Variants in SREBF2 observed in about 807,000 individuals in gnomAD.
SREBF2 encodes the protein sterol regulatory element binding transcription factor 2, also known as sterol regulatory element-binding protein 2.
In SREBF2, 55 loss-of-function variants were observed where a neutral mutation model predicts 113.1. That is an observed-to-expected ratio of 0.49 (90% CI 0.39 to 0.61). The LOEUF (loss-of-function observed/expected upper bound fraction) is 0.61, where lower values mean the gene tolerates loss of function less well. Ranked by LOEUF, SREBF2 falls within the 20% of genes least tolerant of loss-of-function variation. The probability of loss-of-function intolerance (pLI) is 0.00; values close to 1 mark genes in which losing one functional copy is unlikely to be tolerated. For missense variants in SREBF2, 1,349 were observed against 1,487.4 expected (o/e 0.91, Z 1.53); for synonymous variants, 593 against 605.7 (o/e 0.98, Z 0.31).
intron 2 of SREBF2, among the ~76,000 whole-genome samples, 180 bp from the exon 3 acceptor site, chr22:41,868,431 C>G (rs1278825013): frequency 6.6e-6 from 1 of 152,206 alleles, no homozygotes; most frequent in Non-Finnish European, 1.5e-5. Context: ...GAAATTGATG[C>G]AGCCCTTATG....
rs373120161 is a variant in SREBF2, at chr22:41,898,656, C to T, written c.2613C>T (p.Asp871=). ...SSVLKSALGP[D]IICRWWTSAI... The stretch of plus-strand genomic sequence containing the variant: ...GGTGCTGTTCTCCTCTAGGTCCAGA[C>T]ATCATCTGTCGGTGGTGGACGTCTG... The change falls in exon 15 of 19, where the codon GAC becomes GAT. Residue 871 remains aspartate, a synonymous_variant. Coordinates refer to ENST00000361204, the MANE Select transcript of SREBF2 (RefSeq NM_004599.4). The T allele has an allele frequency of 2.3e-4, 374 of 1,614,038 alleles. No individual in the cohort carries two copies. Among genetic ancestry groups the T allele is most frequent in the Non-Finnish European group, 3.1e-4 (370 of 1,179,994 alleles).
rs184286512 is a variant in SREBF2, at chr22:41,864,447, A to G, written c.89-2384A>G. Among the ~76,000 whole-genome samples the G allele has an allele frequency of 9.2e-3, 1,365 of 148,928 alleles. 11 individuals are homozygous for G. Among genetic ancestry groups the G allele is most frequent in the Non-Finnish European group, 0.016 (1,059 of 67,262 alleles). On this transcript the variant is annotated intron_variant, in intron 1 of 18. Coordinates refer to ENST00000361204, the MANE Select transcript of SREBF2 (RefSeq NM_004599.4). ...TCCATTCTCCTGACTCAGCCTCCCG[A>G]GTAGCTTGGACTACAGGCGCCCACC...
intron 10 of SREBF2, among the ~76,000 whole-genome samples, 156 bp from the exon 11 acceptor site, chr22:41,884,686 G>A (rs1335604212): frequency 6.6e-6 from 1 of 152,162 alleles, no homozygotes; most frequent in Non-Finnish European, 1.5e-5. Context: ...ATATCACAGA[G>A]CCTGGCATCC....
At chr22:41,889,908 G>C (rs1426484174) in intron 11 of SREBF2, among the ~76,000 whole-genome samples, 1 of 152,046 alleles carries the variant, frequency 6.6e-6, no homozygotes, top group African/African-American at 2.4e-5. Context: ...GGCTGAGACA[G>C]AATCACTTGA....
intron 1 of SREBF2, among the ~76,000 whole-genome samples, chr22:41,837,812 C>G (rs1162524950): frequency 2.7e-5 from 4 of 148,220 alleles, no homozygotes; most frequent in African/African-American, 9.9e-5. Context: ...GAGCCGAGAT[C>G]GCGCCATTGC....
intron 13 of SREBF2, among the ~76,000 whole-genome samples, chr22:41,896,638 C>T (rs536657420): frequency 5.3e-4 from 80 of 152,314 alleles, no homozygotes; most frequent in African/African-American, 1.9e-3. Context: ...GGATTACAGG[C>T]GTGAGCCACC....
intron 4 of SREBF2, among the ~76,000 whole-genome samples, chr22:41,872,892 CA>C (rs533730009): frequency 2.5e-4 from 30 of 120,930 alleles, no homozygotes; most frequent in African/African-American, 2.7e-4. Context: ...GACTTTGTCT[CA>C]AAAAAAAAAA....
rs2077091325 is a variant in SREBF2 at position 41,867,279 on chromosome 22, A to G, written c.537A>G (p.Gln179=). ...LIYQNAATSF[Q]VLQPQVQSLV... The stretch of plus-strand genomic sequence containing the variant: ...ACCAGAATGCAGCTACTAGCTTTCA[A>G]GGTGATTCAGAAGTTAGAATGGTAG... The change falls in exon 2 of 19, where the codon CAA becomes CAG. Residue 179 remains glutamine (Q), a splice_region_variant and synonymous_variant. Coordinates refer to ENST00000361204, the MANE Select transcript of SREBF2 (RefSeq NM_004599.4). The G allele has an allele frequency of 1.9e-6, 3 of 1,614,174 alleles. No homozygotes were observed. Among genetic ancestry groups the G allele is most frequent in the Non-Finnish European group, 2.5e-6 (3 of 1,180,030 alleles).
intron 15 of SREBF2, chr22:41,899,202 CCT>C (rs1375269400): frequency 5.1e-5 from 57 of 1,110,994 alleles, no homozygotes; most frequent in Non-Finnish European, 6.1e-5. Context: ...GCATCTTGCC[CCT>C]GTGTGCTAGC....
chr22:41,883,304 G>A (rs2077267379), intron 10 of SREBF2, among the ~76,000 whole-genome samples: 1 of 152,190 alleles, frequency 6.6e-6, no homozygotes, highest in African/African-American at 2.4e-5. Context: ...TGGCAGTAAG[G>A]AGCTTCAGCC....
At chr22:41,842,632 T>C (rs1455707330) in intron 1 of SREBF2, among the ~76,000 whole-genome samples, 1 of 152,158 alleles carries the variant, frequency 6.6e-6, no homozygotes, top group Non-Finnish European at 1.5e-5. Context: ...AGAAGTGGGA[T>C]TGTTGGATCA....
At chr22:41,879,868 C>T (rs914199728) in intron 9 of SREBF2, among the ~76,000 whole-genome samples, 2 of 152,194 alleles carry the variant, frequency 1.3e-5, no homozygotes, top group Non-Finnish European at 2.9e-5. Context: ...ATTAGTTCAT[C>T]TGAATCCTAG....
Position 41,877,247 on chromosome 22 carries a change from TCTC to T in SREBF2, c.1411_1413del (p.Pro471del). On this transcript the variant is annotated inframe_deletion, in exon 8 of 19. Coordinates refer to ENST00000361204, the MANE Select transcript of SREBF2 (RefSeq NM_004599.4). Reference sequence around the variant, plus strand: ...TTTGAAGGTCAAAGATGAGCCAGACTCTCCTCCTGTGGCGCTGGGCATGGTAGA... The same window carrying T: ...TTTGAAGGTCAAAGATGAGCCAGACTCTCCTGTGGCGCTGGGCATGGTAGA... 2 of 1,614,202 alleles carry T rather than the reference TCTC, an allele frequency of 1.2e-6. No individual in the cohort carries two copies. Among genetic ancestry groups the T allele is most frequent in the Non-Finnish European group, 1.7e-6 (2 of 1,180,042 alleles).
intron 14 of SREBF2, among the ~76,000 whole-genome samples, 153 bp downstream of exon 14, chr22:41,897,314 C>G (rs1338581337): frequency 1.3e-5 from 2 of 152,136 alleles, no homozygotes; most frequent in South Asian, 2.1e-4. Flanking sequence ...ACAGTCACCC[C>G]CTCCCAAACA....
In SREBF2 at chr22:41,873,774, G is replaced by A. The variant is rs1010587876; in HGVS notation, c.868-24G>A. ...TGCAGACTAACAAAGGGATCATTCT[G>A]CTGTGTACCTGTCCCTATTCTAGAC... On this transcript the variant is annotated intron_variant, in intron 4 of 18. Transcript: ENST00000361204. 3 of 1,578,090 alleles carry A rather than the reference G, an allele frequency of 1.9e-6. No homozygotes were observed. In the African/African-American group the frequency reaches 4.0e-5, roughly 21 times the overall value.
chr22:41,837,145 A>C (rs942058638), intron 1 of SREBF2, among the ~76,000 whole-genome samples: 3 of 152,178 alleles, frequency 2.0e-5, no homozygotes, highest in African/African-American at 7.2e-5. Context: ...ATTGGGCCAT[A>C]TTATAGAGTG....
At chr22:41,872,114 G>A (rs2077150092) in intron 4 of SREBF2, among the ~76,000 whole-genome samples, 1 of 152,012 alleles carries the variant, frequency 6.6e-6, no homozygotes, top group African/African-American at 2.4e-5. Context: ...GCCGGGCATG[G>A]TGGCGGGCAC....
chr22:41,844,033 TACACACACACACAC>T (rs71311415), intron 1 of SREBF2, among the ~76,000 whole-genome samples: 1 of 123,108 alleles, frequency 8.1e-6, no homozygotes, highest in Non-Finnish European at 1.6e-5. Flanking sequence ...AAAAAATACA[TACACACACACACAC>T]ACACACACAC....
At chr22:41,865,974 G>T (rs1413288560) in intron 1 of SREBF2, among the ~76,000 whole-genome samples, 18 of 152,182 alleles carry the variant, frequency 1.2e-4, no homozygotes, top group Admixed American at 1.2e-3. Context: ...GTCCCTGAGT[G>T]TTTCCAAGAA....
Sources: gnomAD v4.1 joint callset for allele counts (sites outside exome capture counted in the v4.1 genomes callset) on GRCh38, gnomAD v4.1.1 for gene constraint, MANE v1.5 for transcripts, NCBI Gene and HGNC (gene_info 2026-07-23, HGNC 2026-07-21) for gene names.